GLIS3: variants seen among roughly 807,000 people sequenced by gnomAD.
GLIS3 encodes zinc finger protein GLIS3.
GLIS3 carries 53 observed loss-of-function variants against 78.6 expected under a neutral mutation model. The observed-to-expected ratio is 0.67, with a 90% confidence interval of 0.54 to 0.85. The LOEUF (loss-of-function observed/expected upper bound fraction) is 0.85, where lower values mean the gene tolerates loss of function less well. Among genes scored for constraint, GLIS3 ranks in the 40% least tolerant of loss-of-function variants. The pLI, the probability that GLIS3 is intolerant of heterozygous loss-of-function variation, is 0.00. For synonymous variants in GLIS3, 684 were observed against 509.9 expected (o/e 1.34, Z -4.60); for missense variants, 1,703 against 1,231.1 (o/e 1.38, Z -5.74).
chr9:4,273,984 TGTCCTTGCATAGGACATTCTCCTACTCCA>T (rs1253641470), intron 2 of GLIS3, among the ~76,000 whole-genome samples: 1 of 152,220 alleles, frequency 6.6e-6, no homozygotes, highest in African/African-American at 2.4e-5. Context: ...GAAAAGAGCA[TGTCCTTGCATAGGACATTCTCCTACTCCA>T]GGACATGTGG....
At position 4,286,418 on chromosome 9, in the gene GLIS3, C is replaced by G; in HGVS notation, c.8G>C (p.Gly3Ala). MNGRSCSMSLHRT... is the reference protein window; with the variant it reads MNARSCSMSLHRT... ...GTGGAGACTCATGCTGCATGATCTT[C>G]CATTCATTCTGAAAAACCTGTGGCC... The change falls in exon 2 of 11, where the codon GGA becomes GCA. Residue 3 changes from glycine to alanine, a missense_variant. Transcript: ENST00000381971. The G allele has an allele frequency of 6.2e-7, 1 of 1,613,948 alleles. No homozygotes were observed. Among genetic ancestry groups the G allele is most frequent in the South Asian group, 1.1e-5 (1 of 91,082 alleles).
intron 2 of GLIS3, among the ~76,000 whole-genome samples, chr9:4,218,926 C>A (rs1215444459): frequency 2.0e-5 from 3 of 152,202 alleles, no homozygotes; most frequent in African/African-American, 7.2e-5. Context: ...CAACAATTGT[C>A]CTTTCTCTTC....
the GLIS3 span, among the ~76,000 whole-genome samples, chr9:4,486,924 C>G: frequency 8.0e-4 from 122 of 152,256 alleles, 4 homozygotes; most frequent in South Asian, 0.024. Context: ...TCTCAAACTC[C>G]TGGCTTCAAG....
At chr9:3,997,327 G>T (rs1588420990) in intron 4 of GLIS3, among the ~76,000 whole-genome samples, 1 of 152,018 alleles carries the variant, frequency 6.6e-6, no homozygotes, top group African/African-American at 2.4e-5. Flanking sequence ...GCCTGGGCAA[G>T]AAGAGTGAAA....
chr9:4,107,906 C>G (rs1830894849), intron 4 of GLIS3, among the ~76,000 whole-genome samples: 1 of 152,106 alleles, frequency 6.6e-6, no homozygotes, highest in Non-Finnish European at 1.5e-5. Context: ...GTGCAAATAA[C>G]AGAATAATAA....
At chr9:4,022,023 T>G (rs958215002) in intron 4 of GLIS3, among the ~76,000 whole-genome samples, 1 of 152,206 alleles carries the variant, frequency 6.6e-6, no homozygotes, top group African/African-American at 2.4e-5. Context: ...CTTAGGCACT[T>G]CTCAGATGGT....
intron 2 of GLIS3, among the ~76,000 whole-genome samples, chr9:4,327,399 G>T (rs1817617224): frequency 6.6e-6 from 1 of 152,158 alleles, no homozygotes; most frequent in African/African-American, 2.4e-5. Flanking sequence ...GGAAAGAGGT[G>T]TCAAGAGAAA....
At chr9:4,449,277 G>T in the GLIS3 span, among the ~76,000 whole-genome samples, 1 of 152,214 alleles carries the variant, frequency 6.6e-6, no homozygotes, top group Non-Finnish European at 1.5e-5. Flanking sequence ...AGGGGCATCT[G>T]CCATTGCTGA....
chr9:4,186,962 G>C (rs546631285), intron 2 of GLIS3, among the ~76,000 whole-genome samples: 1 of 152,102 alleles, frequency 6.6e-6, no homozygotes, highest in Non-Finnish European at 1.5e-5. Flanking sequence ...TCACTCTGAC[G>C]GTAGTTTCTT....
At chr9:4,387,761 A>T in the GLIS3 span, among the ~76,000 whole-genome samples, 1 of 152,328 alleles carries the variant, frequency 6.6e-6, no homozygotes, top group South Asian at 2.1e-4. Flanking sequence ...CCATAGGCCA[A>T]AATTGCCAGC....
chr9:4,467,256 C>T, the GLIS3 span, among the ~76,000 whole-genome samples: 9 of 152,314 alleles, frequency 5.9e-5, no homozygotes, highest in Non-Finnish European at 1.0e-4. Context: ...ACTTAAACGT[C>T]CCTGTCTGAC....
chr9:3,886,810 G>C (rs1822107351), intron 7 of GLIS3, among the ~76,000 whole-genome samples: 1 of 152,208 alleles, frequency 6.6e-6, no homozygotes, highest in African/African-American at 2.4e-5. Flanking sequence ...AAAATGCCCT[G>C]TCAGGGTCAC....
chr9:4,137,515 T>C (rs1003857497), intron 2 of GLIS3, among the ~76,000 whole-genome samples: 1 of 152,204 alleles, frequency 6.6e-6, no homozygotes, highest in African/African-American at 2.4e-5. Flanking sequence ...TTCCTTTCTG[T>C]ACCACTCAGT....
At chr9:4,243,197 G>C (rs1387057140) in intron 2 of GLIS3, among the ~76,000 whole-genome samples, 2 of 152,186 alleles carry the variant, frequency 1.3e-5, no homozygotes, top group African/African-American at 4.8e-5. Flanking sequence ...AATTAAGGGA[G>C]CTTAGCAAGC....
intron 2 of GLIS3, among the ~76,000 whole-genome samples, chr9:4,252,868 C>G (rs1824529982): frequency 6.6e-6 from 1 of 152,192 alleles, no homozygotes; most frequent in Non-Finnish European, 1.5e-5. Context: ...CAGTCAGGCC[C>G]CTCTGCTGCA....
intron 7 of GLIS3, among the ~76,000 whole-genome samples, chr9:3,895,948 G>T (rs1314977760): frequency 1.3e-5 from 2 of 152,200 alleles, no homozygotes; most frequent in African/African-American, 4.8e-5. Context: ...CTTAAAGGTA[G>T]AAGTGCCTGA....
chr9:3,865,805 C>T (rs1383666013), intron 8 of GLIS3, among the ~76,000 whole-genome samples: 1 of 152,184 alleles, frequency 6.6e-6, no homozygotes, highest in Non-Finnish European at 1.5e-5. Flanking sequence ...TTCCTTGGCA[C>T]TTAAAACATG....
intron 1 of GLIS3, among the ~76,000 whole-genome samples, chr9:4,296,988 T>C (rs543754313): frequency 3.5e-4 from 53 of 151,192 alleles, no homozygotes; most frequent in African/African-American, 1.2e-3. Flanking sequence ...ACGACCTTCA[T>C]CGTGGCGGAT....
At chr9:3,944,401 A>C (rs1431158182) in intron 4 of GLIS3, among the ~76,000 whole-genome samples, 1 of 152,238 alleles carries the variant, frequency 6.6e-6, no homozygotes, top group African/African-American at 2.4e-5. Context: ...TATTTAAGAC[A>C]TATCACATGG....
Sources: gnomAD v4.1 joint callset for allele counts (sites outside exome capture counted in the v4.1 genomes callset) on GRCh38, gnomAD v4.1.1 for gene constraint, MANE v1.5 for transcripts, NCBI Gene and HGNC (gene_info 2026-07-23, HGNC 2026-07-21) for gene names.